Variants in RMDN1 observed in about 807,000 individuals in gnomAD.
The protein encoded by RMDN1 is regulator of microtubule dynamics protein 1.
RMDN1 carries 48 observed loss-of-function variants against 48.9 expected under a neutral mutation model. The observed-to-expected ratio is 0.98, with a 90% confidence interval of 0.78 to 1.25. The LOEUF (loss-of-function observed/expected upper bound fraction) is 1.25, where lower values mean the gene tolerates loss of function less well. RMDN1 is among the 50% of genes most tolerant of loss of function. The pLI is 0.00. For missense variants in RMDN1, 418 were observed against 373.4 expected, an observed-to-expected ratio of 1.12 and a Z score of -0.98; for synonymous variants, 148 against 132.6, an observed-to-expected ratio of 1.12 and a Z score of -0.80.
At chr8:86,511,467 C>T (rs1177697878), upstream of RMDN1, among the ~76,000 whole-genome samples, 6 of 150,208 alleles carry the variant, frequency 4.0e-5, no homozygotes, top group South Asian at 2.1e-4. Flanking sequence ...AGCTAGACTC[C>T]GTCTCAAAGA....
chr8:86,503,681 A>G, intron 2 of RMDN1: 1 of 474,738 alleles, frequency 2.1e-6, no homozygotes, highest in Non-Finnish European at 4.2e-6. Flanking sequence ...TGCTCCTGAG[A>G]TGATCATAAA....
At chr8:86,470,115 T>C (rs1431251757), downstream of RMDN1, 1 of 1,232,296 alleles carries the variant, frequency 8.1e-7, no homozygotes, top group Non-Finnish European at 1.0e-6. Flanking sequence ...CCAAAATCAG[T>C]ATTCTACTCA....
At position 86,472,769 on chromosome 8, in the gene RMDN1, TTCAG is replaced by T. The variant is rs1399709927; in HGVS notation, c.*1535_*1538del. 6.3e-6 allele frequency: 2 copies of T among 315,308 alleles called. No individual in the cohort carries two copies. The highest frequency in any genetic ancestry group is 4.8e-5 in the Admixed American group (1 of 20,650). 19.5% of individuals were successfully genotyped at this position (315,308 alleles called of 1,614,324 possible). A position where few individuals can be genotyped will look rare whatever the true frequency, so the allele number is the denominator to read the frequency against. ...TAACTGCTTATTGGTAGCATATACA[TTCAG>T]TCAGGAATGATGGTGACATCAACCA... On this transcript the variant is annotated 3_prime_UTR_variant, in exon 10 of 10. Coordinates refer to ENST00000406452, the MANE Select transcript of RMDN1 (RefSeq NM_016033.3).
intron 7 of RMDN1, 31 bp from the exon 8 acceptor site, chr8:86,477,355 TA>T: frequency 2.6e-6 from 4 of 1,544,088 alleles, no homozygotes; most frequent in Admixed American, 1.9e-5. Flanking sequence ...CCAAACATAA[TA>T]AAAAAGATTA....
intron 4 of RMDN1, among the ~76,000 whole-genome samples, chr8:86,485,344 G>C (rs1815293153): frequency 6.6e-6 from 1 of 152,164 alleles, no homozygotes; most frequent in African/African-American, 2.4e-5. Flanking sequence ...AGAATCACTT[G>C]AACCCGGGAG....
intron 2 of RMDN1, among the ~76,000 whole-genome samples, chr8:86,498,703 C>T (rs1453433721): frequency 6.6e-6 from 1 of 152,146 alleles, no homozygotes; most frequent in Non-Finnish European, 1.5e-5. Flanking sequence ...ATCACTTGAG[C>T]CTGGGAGGCG....
intron 5 of RMDN1, chr8:86,483,145 T>C (rs1414687215): frequency 1.5e-5 from 5 of 325,730 alleles, no homozygotes; most frequent in East Asian, 5.8e-5. Context: ...ACTTTAGATA[T>C]ATAATGGAAT....
upstream of RMDN1, among the ~76,000 whole-genome samples, chr8:86,511,131 T>C (rs763316710): frequency 2.0e-4 from 30 of 151,086 alleles, no homozygotes; most frequent in South Asian, 1.9e-3. Flanking sequence ...ACCACTGCAC[T>C]CCAGTCCAGG....
intron 6 of RMDN1, 76 bp downstream of exon 6, chr8:86,480,201 T>C (rs1005162695): frequency 2.7e-5 from 19 of 705,058 alleles, no homozygotes; most frequent in Non-Finnish European, 3.5e-5. Flanking sequence ...CTTTTATATA[T>C]GCAAAAGAAG....
intron 8 of RMDN1, among the ~76,000 whole-genome samples, chr8:86,476,802 C>T (rs899337452): frequency 6.6e-6 from 1 of 152,108 alleles, no homozygotes; most frequent in Non-Finnish European, 1.5e-5. Context: ...CTCAAGTGAC[C>T]TTCCTGCCTC....
intron 2 of RMDN1, among the ~76,000 whole-genome samples, chr8:86,494,631 T>C (rs1468850626): frequency 1.3e-5 from 2 of 152,122 alleles, no homozygotes; most frequent in Admixed American, 1.3e-4. Flanking sequence ...ACTGCGGCTA[T>C]GAAGGCCTCA....
chr8:86,477,193 AT>A, intron 8 of RMDN1, 100 bp downstream of exon 8: 1 of 793,858 alleles, frequency 1.3e-6, no homozygotes, highest in South Asian at 2.5e-5. Flanking sequence ...AAAAATAAGT[AT>A]AACAGAATAA....
In RMDN1 at chr8:86,477,587, A is replaced by G. The variant is rs1431667816; in HGVS notation, c.730-263T>C. On this transcript the variant is annotated intron_variant, in intron 7 of 9. Coordinates refer to ENST00000406452, the MANE Select transcript of RMDN1 (RefSeq NM_016033.3). ...CTTGTACCAAACTAACATCATGTGC[A>G]GAAAGGAAAGAACATTATCACGTGT... The G allele has an allele frequency of 2.7e-5, 9 of 332,584 alleles. No individual in the cohort carries two copies. The Admixed American group carries it at 4.4e-4, about 16-fold the overall frequency. The allele number at this position is 332,584 out of a possible 1,614,324, so 20.6% of individuals were successfully genotyped here.
chr8:86,490,537 C>T (rs911868538), intron 2 of RMDN1, among the ~76,000 whole-genome samples: 11 of 152,046 alleles, frequency 7.2e-5, no homozygotes, highest in African/African-American at 2.7e-4. Flanking sequence ...AGGGAATATT[C>T]CCTAGGGTCT....
In RMDN1 at chr8:86,507,037, G is replaced by T; in HGVS notation, c.205C>A (p.Gln69Lys). 1 of 1,612,632 alleles carries T rather than the reference G, an allele frequency of 6.2e-7. No individual in the cohort carries two copies. The highest frequency in any genetic ancestry group is 8.5e-7 in the Non-Finnish European group (1 of 1,178,714). ...ALSYLGFETY[Q>K]VISQAAVVHA... Reference sequence around the variant, plus strand: ...ACCACAGCAGCCTGAGAGATAACCTGGTAAGTTTCAAAACCCAAATACGAC... The same window carrying T: ...ACCACAGCAGCCTGAGAGATAACCTTGTAAGTTTCAAAACCCAAATACGAC... The change falls in exon 2 of 10, where the codon CAG (glutamine) becomes AAG (lysine). Residue 69 changes from glutamine to lysine, a missense_variant. Coordinates refer to ENST00000406452, the MANE Select transcript of RMDN1 (RefSeq NM_016033.3).
rs1815506277 is a variant in RMDN1, at chr8:86,486,577, G to A, written c.402C>T (p.Thr134=). The A allele has an allele frequency of 1.1e-5, 17 of 1,612,640 alleles. No homozygotes were observed. The highest frequency in any genetic ancestry group is 1.4e-5 in the Non-Finnish European group (16 of 1,179,138). ...ASRDVAQLSR[T]SEEEKKLLVY... ...CCAATAGCTTTTTCTCCTCTTCTGA[G>A]GTTCTGCTAAGCTGAGCTACATCAC... The change falls in exon 4 of 10, where the codon ACC becomes ACT. Residue 134 remains threonine (T), a synonymous_variant. Transcript: ENST00000406452.
chr8:86,504,924 G>A, intron 2 of RMDN1: 1 of 1,199,836 alleles, frequency 8.3e-7, no homozygotes, highest in East Asian at 2.3e-5. Context: ...CTTCTTCAAA[G>A]TCCCTGAGAC....
In RMDN1 at chr8:86,477,451, T is replaced by C. The variant is rs1349067961; in HGVS notation, c.730-127A>G. 3.3e-5 allele frequency: 23 copies of C among 703,674 alleles called. No individual in the cohort carries two copies. The South Asian group carries it at 4.5e-4, about 14-fold the overall frequency. The allele number at this position is 703,674 out of a possible 1,614,324, so 43.6% of individuals were successfully genotyped here. A position where few individuals can be genotyped will look rare whatever the true frequency, so the allele number is the denominator to read the frequency against. The stretch of plus-strand genomic sequence containing the variant: ...CAGGAAGTAAATCATCTTAAAATAA[T>C]GGTCACTTCTTCAACAGTGAGAGTT... On this transcript the variant is annotated intron_variant, in intron 7 of 9. Coordinates refer to ENST00000406452, the MANE Select transcript of RMDN1 (RefSeq NM_016033.3).
At chr8:86,499,304 T>C (rs1250836993) in intron 2 of RMDN1, among the ~76,000 whole-genome samples, 1 of 152,180 alleles carries the variant, frequency 6.6e-6, no homozygotes, top group East Asian at 1.9e-4. Flanking sequence ...TATGATTCTT[T>C]ACCTAGAAAA....
Sources: gnomAD v4.1 joint callset for allele counts (sites outside exome capture counted in the v4.1 genomes callset) on GRCh38, gnomAD v4.1.1 for gene constraint, MANE v1.5 for transcripts, NCBI Gene and HGNC (gene_info 2026-07-23, HGNC 2026-07-21) for gene names.